Variants in RNF213 observed in about 807,000 individuals in gnomAD.
The protein encoded by RNF213 is ring finger protein 213.
RNF213 carries 341 observed loss-of-function variants against 514.4 expected under a neutral mutation model. That is an observed-to-expected ratio of 0.66 (90% confidence interval 0.61 to 0.73). The LOEUF (loss-of-function observed/expected upper bound fraction) is 0.73. RNF213 is among the 30% of genes least tolerant of loss of function. The pLI is 0.00. For synonymous variants in RNF213, 2,655 were observed against 2,658.2 expected (o/e 1.00, Z 0.04); for missense variants, 5,767 against 6,615.6 (o/e 0.87, Z 4.45).
intron 60 of RNF213, 97 bp downstream of exon 60, chr17:80,385,268 C>A: frequency 2.1e-6 from 3 of 1,433,642 alleles, no homozygotes; most frequent in Admixed American, 1.7e-5. Context: ...GGGGAGGAGG[C>A]GCTGATGGGT....
chr17:80,345,738 A>C lies in RNF213; in HGVS notation c.7403A>C (p.Glu2468Ala). ...DMIYSRVREA[E>A]NVAFANKDQH... ...ATCTACTCCAGAGTCAGGGAGGCTG[A>C]AAATGTGGCCTTCGCCAATAAGGAC... The change falls in exon 29 of 68, where the codon GAA becomes GCA. Residue 2468 changes from glutamate to alanine, a missense_variant. Around this residue, in one of 13 missense-constraint regions of RNF213, gnomAD observed 1,377 missense variants for 1,635.2 expected, o/e 0.84. Transcript: ENST00000582970. This position sits in a 1 kb window ranked among gnomAD's most constrained non-coding sequence, Gnocchi z 6.0. 6.2e-7 allele frequency: 1 copy of C among 1,614,226 alleles called. No individual in the cohort carries two copies. The highest frequency in any genetic ancestry group is 8.5e-7 in the Non-Finnish European group (1 of 1,180,040).
Position 80,353,758 on chromosome 17 carries a change from T to TCGC in RNF213, c.10578+99_10578+101dup, listed in dbSNP as rs1467140619. 6.5e-7 allele frequency: 1 copy of TCGC among 1,541,818 alleles called. No individual in the cohort carries two copies. The highest frequency in any genetic ancestry group is 1.4e-5 in the African/African-American group (1 of 73,314). ...GCTTTTGCATTGGGAGCTAGAGGAG[T>TCGC]CGCCGCCGCTGTGCAGGGGTGAGGA... On this transcript the variant is annotated intron_variant, in intron 34 of 67. Coordinates refer to ENST00000582970, the MANE Select transcript of RNF213 (RefSeq NM_001256071.3). This position sits in a 1 kb window ranked among gnomAD's most constrained non-coding sequence, Gnocchi z 5.0.
chr17:80,353,279 G>A lies in RNF213; in HGVS notation c.10423+220G>A. The stretch of plus-strand genomic sequence containing the variant: ...GGCTGAGGTAGAGCTCTGTGAGCAG[G>A]CCAGCCATGGAAGTGAGCACCTAGA... On this transcript the variant is annotated intron_variant, in intron 33 of 67. Coordinates refer to ENST00000582970, the MANE Select transcript of RNF213 (RefSeq NM_001256071.3). The surrounding 1 kb of genome is among the most constrained non-coding windows in gnomAD (Gnocchi z 5.0). The A allele has an allele frequency of 1.3e-6, 1 of 787,880 alleles. No individual in the cohort carries two copies. The highest frequency in any genetic ancestry group is 2.1e-6 in the Non-Finnish European group (1 of 483,354). 48.8% of individuals were successfully genotyped at this position (787,880 alleles called of 1,614,324 possible). A position where few individuals can be genotyped will look rare whatever the true frequency, so the allele number is the denominator to read the frequency against.
intron 17 of RNF213, chr17:80,321,481 A>T (rs2046133809): frequency 6.6e-6 from 1 of 152,170 alleles, no homozygotes; most frequent in African/African-American, 2.4e-5. Flanking sequence ...GTACATATTT[A>T]TGTGTGGGTG....
rs1599193420 is a variant in RNF213 at position 80,381,564 on chromosome 17, T to C, written c.13815T>C (p.Ile4605=). Residue 4605 remains isoleucine, a synonymous_variant, in exon 57 of 68, where the codon ATT becomes ATC. Transcript: ENST00000582970. ...CCCCACAGGCTCTGATAAACATCAT[T>C]AAGCCTCCAGTGAGGGATCCAAAAG... The part of the protein sequence containing the change: ...SQSSQALINI[I]KPPVRDPKGF... The C allele has an allele frequency of 6.2e-7, 1 of 1,614,068 alleles. No homozygotes were observed. The highest frequency in any genetic ancestry group is 8.5e-7 in the Non-Finnish European group (1 of 1,180,024).
At chr17:80,348,888 G>T (rs1372100121) in intron 29 of RNF213, among the ~76,000 whole-genome samples, 1 of 152,192 alleles carries the variant, frequency 6.6e-6, no homozygotes, top group Non-Finnish European at 1.5e-5. Flanking sequence ...GAGGCCCTCA[G>T]TGACTCTGCA....
At chr17:80,385,744 A>G in intron 61 of RNF213, 123 bp downstream of exon 61, 2 of 841,004 alleles carry the variant, frequency 2.4e-6, no homozygotes, top group African/African-American at 1.7e-5. Flanking sequence ...TGTTTTTGAG[A>G]TGGAGTCTTG....
At chr17:80,310,872 C>G in intron 14 of RNF213, among the ~76,000 whole-genome samples, 1 of 152,136 alleles carries the variant, frequency 6.6e-6, no homozygotes, top group East Asian at 1.9e-4. Context: ...TTTAATCTTA[C>G]TTCAAGTTAG....
chr17:80,298,965 C>A (rs760884546), intron 11 of RNF213, among the ~76,000 whole-genome samples: 1 of 152,138 alleles, frequency 6.6e-6, no homozygotes, highest in East Asian at 1.9e-4. Context: ...GGCGACAGAG[C>A]GAGACTCTGT....
intron 62 of RNF213, 99 bp downstream of exon 62, chr17:80,386,529 ACACT>A: frequency 2.1e-6 from 3 of 1,454,592 alleles, no homozygotes; most frequent in South Asian, 2.3e-5. Flanking sequence ...TCCCTAACAG[ACACT>A]CACTCCTTCA....
chr17:80,374,511 T>C lies in RNF213; in HGVS notation c.12996T>C (p.Asp4332=). 1 of 1,614,186 alleles carries C rather than the reference T, an allele frequency of 6.2e-7. No individual in the cohort carries two copies. The highest frequency in any genetic ancestry group is 1.1e-5 in the South Asian group (1 of 91,090). The stretch of plus-strand genomic sequence containing the variant: ...TGGATAGGTACCTGGTGTACGGCGA[T>C]GAATACAAGGCTCTCCGTGATGCTG... ...GQMDRYLVYG[D]EYKALRDAVA... The change falls in exon 50 of 68, where the codon GAT becomes GAC. Residue 4332 remains aspartate, a synonymous_variant. Coordinates refer to ENST00000582970, the MANE Select transcript of RNF213 (RefSeq NM_001256071.3).
chr17:80,278,888 T>G (rs753270179), intron 3 of RNF213: 4 of 1,537,172 alleles, frequency 2.6e-6, no homozygotes. Flanking sequence ...GCCGCCAGCG[T>G]GCCTTCTGCA....
At chr17:80,277,445 A>C (rs973659741) in intron 3 of RNF213, among the ~76,000 whole-genome samples, 2 of 151,986 alleles carry the variant, frequency 1.3e-5, no homozygotes, top group Admixed American at 1.3e-4. Context: ...TAAAAATACA[A>C]AAAGTAGCCG....
Position 80,332,312 on chromosome 17 carries a change from A to G in RNF213, c.3824A>G (p.Tyr1275Cys), listed in dbSNP as rs1053482826. 7.8e-6 allele frequency: 12 copies of G among 1,537,122 alleles called. No individual in the cohort carries two copies. In the African/African-American group the frequency reaches 8.2e-5, roughly 11 times the overall value. ...ERHILELEEV[Y>C]DYLYQPSYRK... ...CACATCCTTGAGCTTGAAGAGGTGT[A>G]TGACTATTTGTATCAGCCTTCTTAC... Residue 1275 changes from tyrosine (Y) to cysteine (C), a missense_variant, in exon 21 of 68, where the codon TAT becomes TGT. Coordinates refer to ENST00000582970, the MANE Select transcript of RNF213 (RefSeq NM_001256071.3).
chr17:80,274,264 T>G (rs114830747), intron 3 of RNF213, among the ~76,000 whole-genome samples: 4 of 152,018 alleles, frequency 2.6e-5, no homozygotes, highest in African/African-American at 4.8e-5. Flanking sequence ...CCTCTGGCCT[T>G]GAACAGCCTC....
intron 28 of RNF213, 134 bp from the exon 29 acceptor site, chr17:80,344,544 T>C (rs1216916064): frequency 3.1e-6 from 3 of 973,828 alleles, no homozygotes; most frequent in African/African-American, 3.2e-5. Flanking sequence ...AAAAAGACTA[T>C]ACAGAAAGCT....
chr17:80,393,633 C>A lies in RNF213; in HGVS notation c.*135C>A. ...TGTCAGCGTAGCACCGAATTCAAGA[C>A]CAAGGCGTGCTACCTGAGCTGACAG... On this transcript the variant is annotated 3_prime_UTR_variant, in exon 68 of 68. Transcript: ENST00000582970. 2.1e-6 allele frequency: 2 copies of A among 932,546 alleles called. No homozygotes were observed. Among genetic ancestry groups the A allele is most frequent in the Admixed American group, 2.1e-5 (1 of 47,730 alleles). The allele number at this position is 932,546 out of a possible 1,614,324, so 57.8% of individuals were successfully genotyped here.
At chr17:80,336,569 A>C in intron 23 of RNF213, 191 bp downstream of exon 23, 1 of 679,410 alleles carries the variant, frequency 1.5e-6, no homozygotes, top group East Asian at 2.9e-5. Flanking sequence ...GCAGGATACA[A>C]AATTACATGA....
At chr17:80,359,921 C>A in intron 37 of RNF213, 140 bp from the exon 38 acceptor site, 1 of 788,138 alleles carries the variant, frequency 1.3e-6, no homozygotes, top group Non-Finnish European at 2.1e-6. Context: ...TACTGTGAAA[C>A]AGATCAGCGC....
Sources: allele counts gnomAD v4.1 joint callset (sites outside exome capture counted in the v4.1 genomes callset), GRCh38; gene constraint gnomAD v4.1.1; regional missense constraint gnomAD v4.1.1; non-coding constraint Gnocchi (gnomAD v3.1); transcripts MANE v1.5; gene names NCBI Gene and HGNC (gene_info 2026-07-23, HGNC 2026-07-21).